The following ASCC1 variants were observed in gnomAD, a reference collection of about 807,000 sequenced individuals.
ASCC1 encodes the protein ASC-1 complex subunit P50.
A neutral mutation model predicts 46.6 loss-of-function variants in ASCC1; 35 were observed. That is an observed-to-expected ratio of 0.75 (90% CI 0.57 to 0.99). ASCC1 has a LOEUF of 0.99. ASCC1 is among the 50% of genes least tolerant of loss of function. The pLI is 0.00. For missense variants in ASCC1, 376 were observed against 428.7 expected (o/e 0.88, Z 1.09); for synonymous variants, 143 against 146.6 (o/e 0.98, Z 0.18).
intron 5 of ASCC1, among the ~76,000 whole-genome samples, chr10:72,180,225 G>A (rs1196494313): frequency 6.6e-6 from 1 of 152,006 alleles, no homozygotes; most frequent in Non-Finnish European, 1.5e-5. Context: ...GTTGCAGTAA[G>A]CCAAGGTTGT....
chr10:72,153,131 C>T lies in ASCC1; in HGVS notation c.627-143G>A, dbSNP rs192681228. ...ACATGGTAGTTGTGTTTTTTCCTAA[C>T]ATTATCTAATTGCCCTTCTAATTTC... On this transcript the variant is annotated intron_variant, in intron 6 of 9. Coordinates refer to ENST00000672957, the MANE Select transcript of ASCC1 (RefSeq NM_001198800.3). 223 of 1,072,918 alleles carry T rather than the reference C, an allele frequency of 2.1e-4. 1 individual carries two copies. Among genetic ancestry groups the T allele is most frequent in the Non-Finnish European group, 2.7e-4 (201 of 746,802 alleles). The allele number at this position is 1,072,918 out of a possible 1,614,324, so 66.5% of individuals were successfully genotyped here. A position where few individuals can be genotyped will look rare whatever the true frequency, so the allele number is the denominator to read the frequency against.
At chr10:72,123,263 C>T (rs902417860) in intron 9 of ASCC1, among the ~76,000 whole-genome samples, 2 of 149,730 alleles carry the variant, frequency 1.3e-5, no homozygotes, top group Admixed American at 6.7e-5. Flanking sequence ...GGCATGAACC[C>T]GGGAGGTGGA....
chr10:72,211,198 C>T (rs1858050334), intron 2 of ASCC1, among the ~76,000 whole-genome samples: 1 of 152,174 alleles, frequency 6.6e-6, no homozygotes, highest in African/African-American at 2.4e-5. Flanking sequence ...GACAGAGAGA[C>T]CACATTCACA....
chr10:72,149,333 G>T (rs1317635227), intron 7 of ASCC1, among the ~76,000 whole-genome samples: 1 of 151,020 alleles, frequency 6.6e-6, no homozygotes, highest in African/African-American at 2.4e-5. Flanking sequence ...AGCTACTCAG[G>T]AGGCTGAGGC....
At chr10:72,124,630 G>A (rs1844623289) in intron 9 of ASCC1, among the ~76,000 whole-genome samples, 1 of 152,064 alleles carries the variant, frequency 6.6e-6, no homozygotes, top group Non-Finnish European at 1.5e-5. Context: ...TCTAGCTAGT[G>A]AGGGAGCATT....
chr10:72,136,079 G>A (rs915955822), intron 7 of ASCC1, among the ~76,000 whole-genome samples: 1 of 152,132 alleles, frequency 6.6e-6, no homozygotes, highest in African/African-American at 2.4e-5. Context: ...CTAGAGTGCA[G>A]TAGCACAATC....
chr10:72,214,746 A>G (rs767734453), intron 1 of ASCC1, among the ~76,000 whole-genome samples: 2 of 152,170 alleles, frequency 1.3e-5, no homozygotes, highest in Non-Finnish European at 2.9e-5. Context: ...TCCAGAAAAA[A>G]AAAAGCCCCT....
intron 7 of ASCC1, among the ~76,000 whole-genome samples, chr10:72,151,654 T>C (rs545204177): frequency 3.9e-5 from 6 of 152,298 alleles, no homozygotes; most frequent in African/African-American, 1.2e-4. Context: ...CAAGCACTAT[T>C]TTAAGCATTT....
At chr10:72,097,565 G>T in intron 9 of ASCC1, 115 bp from the exon 10 acceptor site, 1 of 683,340 alleles carries the variant, frequency 1.5e-6, no homozygotes, top group Non-Finnish European at 2.6e-6. Context: ...AATCTCTCAT[G>T]CTTTTTCTTT....
At chr10:72,141,036 T>G (rs574178731) in intron 7 of ASCC1, among the ~76,000 whole-genome samples, 98 of 144,278 alleles carry the variant, frequency 6.8e-4, no homozygotes, top group Non-Finnish European at 1.1e-3. Flanking sequence ...TCAAATTGTT[T>G]ATAGATAGAT....
chr10:72,197,226 C>T (rs1462049976), intron 4 of ASCC1, among the ~76,000 whole-genome samples: 1 of 152,040 alleles, frequency 6.6e-6, no homozygotes, highest in East Asian at 1.9e-4. Context: ...AATCCCAGCA[C>T]TTTGGGAGGC....
intron 5 of ASCC1, among the ~76,000 whole-genome samples, chr10:72,179,899 T>C (rs906024715): frequency 6.6e-6 from 1 of 152,122 alleles, no homozygotes; most frequent in African/African-American, 2.4e-5. Flanking sequence ...ATCCCATAAG[T>C]GGAAACAATC....
chr10:72,158,667 C>T (rs544934539), intron 6 of ASCC1, among the ~76,000 whole-genome samples: 14 of 152,270 alleles, frequency 9.2e-5, no homozygotes, highest in African/African-American at 3.4e-4. Context: ...TTCAATATAG[C>T]CATACAGCTC....
chr10:72,124,364 A>G (rs1274512078), intron 9 of ASCC1, among the ~76,000 whole-genome samples: 1 of 152,230 alleles, frequency 6.6e-6, no homozygotes, highest in Non-Finnish European at 1.5e-5. Flanking sequence ...GACCTATAGT[A>G]CTTTCCATTC....
intron 5 of ASCC1, among the ~76,000 whole-genome samples, chr10:72,191,029 A>G (rs930667201): frequency 2.7e-5 from 4 of 148,492 alleles, no homozygotes; most frequent in Admixed American, 2.0e-4. Flanking sequence ...AAAGTGCAAT[A>G]ATGTTTGAAG....
chr10:72,157,217 T>C (rs191404077), intron 6 of ASCC1, among the ~76,000 whole-genome samples: 10 of 152,352 alleles, frequency 6.6e-5, no homozygotes, highest in Admixed American at 5.2e-4. Context: ...AGCTCTGAAC[T>C]GTCATCTGAG....
At chr10:72,201,409 C>A (rs1202227147) in intron 4 of ASCC1, among the ~76,000 whole-genome samples, 1 of 152,162 alleles carries the variant, frequency 6.6e-6, no homozygotes, top group Non-Finnish European at 1.5e-5. Flanking sequence ...GAAAATGGGG[C>A]TAGACGCAGT....
chr10:72,126,980 T>C (rs1446752801), intron 9 of ASCC1, among the ~76,000 whole-genome samples: 1 of 152,142 alleles, frequency 6.6e-6, no homozygotes. Context: ...TTGGGCTCCA[T>C]GGTAAGCAGT....
chr10:72,125,388 A>G (rs1369269391), intron 9 of ASCC1, among the ~76,000 whole-genome samples: 1 of 152,198 alleles, frequency 6.6e-6, no homozygotes, highest in African/African-American at 2.4e-5. Flanking sequence ...GTCAGTTCCT[A>G]TCTTGTTAGT....
Sources: gnomAD v4.1 joint callset for allele counts (sites outside exome capture counted in the v4.1 genomes callset) on GRCh38, gnomAD v4.1.1 for gene constraint, MANE v1.5 for transcripts, NCBI Gene and HGNC (gene_info 2026-07-23, HGNC 2026-07-21) for gene names.